CTNNA3: variants seen among roughly 807,000 people sequenced by gnomAD.
CTNNA3 encodes catenin alpha 3, also known as catenin alpha-3.
A neutral mutation model predicts 95.7 loss-of-function variants in CTNNA3; 76 were observed. The observed-to-expected ratio is 0.79, with a 90% confidence interval of 0.66 to 0.96. The LOEUF (loss-of-function observed/expected upper bound fraction) is 0.96. CTNNA3 is among the 40% of genes least tolerant of loss of function. CTNNA3 has a pLI of 0.00. For missense variants in CTNNA3, 1,191 were observed against 1,089.8 expected (o/e 1.09, Z -1.31); for synonymous variants, 431 against 374.4 (o/e 1.15, Z -1.74).
At chr10:67,235,097 T>C (rs1313009141) in intron 5 of CTNNA3, among the ~76,000 whole-genome samples, 1 of 151,722 alleles carries the variant, frequency 6.6e-6, no homozygotes, top group Non-Finnish European at 1.5e-5. Context: ...CCCAAGGTAA[T>C]TTACAGATTC....
chr10:66,724,874 T>C (rs1216980877), intron 9 of CTNNA3, among the ~76,000 whole-genome samples: 1 of 152,152 alleles, frequency 6.6e-6, no homozygotes, highest in Non-Finnish European at 1.5e-5. Flanking sequence ...CTGAGCACTG[T>C]TCTCAGTATT....
At chr10:67,558,886 T>C (rs1306394577) in intron 3 of CTNNA3, among the ~76,000 whole-genome samples, 7 of 152,192 alleles carry the variant, frequency 4.6e-5, no homozygotes, top group African/African-American at 1.7e-4. Context: ...CGCTGATTGC[T>C]AGCACATCAG....
chr10:66,038,270 G>A (rs933668407), intron 15 of CTNNA3, among the ~76,000 whole-genome samples: 1 of 152,210 alleles, frequency 6.6e-6, no homozygotes, highest in Admixed American at 6.5e-5. Flanking sequence ...TGTTCCTTCT[G>A]ATGGTGATGG....
intron 5 of CTNNA3, among the ~76,000 whole-genome samples, chr10:67,391,566 T>C (rs1229252399): frequency 5.9e-5 from 9 of 151,648 alleles, no homozygotes. Flanking sequence ...TTAAAGTTCA[T>C]ATGGAACCAA....
chr10:66,859,693 G>T, intron 7 of CTNNA3, among the ~76,000 whole-genome samples: 1 of 140,594 alleles, frequency 7.1e-6, no homozygotes, highest in Non-Finnish European at 1.6e-5. Flanking sequence ...TATAAATCAT[G>T]CTGCTATAAA....
chr10:66,196,136 T>C (rs1318431710), intron 13 of CTNNA3, among the ~76,000 whole-genome samples: 1 of 152,156 alleles, frequency 6.6e-6, no homozygotes, highest in Non-Finnish European at 1.5e-5. Flanking sequence ...ATTGGAAAGA[T>C]ATACAGAGTG....
chr10:67,386,214 T>C (rs1844155260), intron 5 of CTNNA3, among the ~76,000 whole-genome samples: 1 of 152,246 alleles, frequency 6.6e-6, no homozygotes, highest in Non-Finnish European at 1.5e-5. Flanking sequence ...TCTAAAAATA[T>C]GCAATAAGTT....
At chr10:67,431,726 G>T (rs75219307) in intron 5 of CTNNA3, among the ~76,000 whole-genome samples, 2,648 of 151,986 alleles carry the variant, frequency 0.017, 84 homozygotes, top group African/African-American at 0.058. Flanking sequence ...TTGTTTAAGA[G>T]ACACAGGGTT....
At chr10:67,684,878 T>C (rs1380068108) in intron 1 of CTNNA3, among the ~76,000 whole-genome samples, 8 of 152,200 alleles carry the variant, frequency 5.3e-5, no homozygotes, top group African/African-American at 1.9e-4. Flanking sequence ...CTCCAGAGGT[T>C]GGTATAAGAG....
rs146328182 is a variant in CTNNA3, at chr10:67,040,825, A to C, written c.1047+139492T>G. 3.9e-4 allele frequency among the ~76,000 whole-genome samples: 59 copies of C among 152,230 alleles called. No homozygotes were observed. The East Asian group carries it at 8.7e-3, about 22-fold the overall frequency. ...ATTATACCACATGATGTTAAATTAT[A>C]AGCACACATCAGTTCAACCTAGCAA... On this transcript the variant is annotated intron_variant, in intron 7 of 17. Coordinates refer to ENST00000433211, the MANE Select transcript of CTNNA3 (RefSeq NM_013266.4).
intron 12 of CTNNA3, among the ~76,000 whole-genome samples, chr10:66,343,936 T>C (rs1208636273): frequency 6.6e-6 from 1 of 151,876 alleles, no homozygotes; most frequent in Non-Finnish European, 1.5e-5. Context: ...CTCTATAAAA[T>C]TGATTGTAGG....
intron 10 of CTNNA3, among the ~76,000 whole-genome samples, chr10:66,572,660 A>G (rs1206293814): frequency 6.6e-6 from 1 of 152,112 alleles, no homozygotes; most frequent in African/African-American, 2.4e-5. Context: ...AAAGATAAAG[A>G]AAACTTCACA....
chr10:66,670,727 A>C (rs55818842), intron 9 of CTNNA3, among the ~76,000 whole-genome samples: 10,757 of 152,188 alleles, frequency 0.071, 1,289 homozygotes, highest in African/African-American at 0.24. Context: ...AATTCCTTCA[A>C]AACATTACCT....
chr10:66,003,488 G>T, intron 15 of CTNNA3, among the ~76,000 whole-genome samples: 1 of 151,956 alleles, frequency 6.6e-6, no homozygotes, highest in Admixed American at 6.6e-5. Context: ...ACAAATCCTA[G>T]ACAGATTATA....
intron 6 of CTNNA3, among the ~76,000 whole-genome samples, chr10:67,218,237 C>T (rs1192965666): frequency 6.6e-6 from 1 of 152,188 alleles, no homozygotes; most frequent in Admixed American, 6.5e-5. Context: ...CAGATACAGA[C>T]TACAGATGGT....
intron 15 of CTNNA3, among the ~76,000 whole-genome samples, chr10:66,009,590 A>T (rs1410342464): frequency 6.6e-6 from 1 of 152,196 alleles, no homozygotes; most frequent in Admixed American, 6.5e-5. Context: ...CATTTTGAAG[A>T]CTAATATTTA....
At chr10:66,919,089 C>T (rs1175637023) in intron 7 of CTNNA3, among the ~76,000 whole-genome samples, 1 of 142,840 alleles carries the variant, frequency 7.0e-6, no homozygotes, top group Non-Finnish European at 1.5e-5. Context: ...GAGCCGGGAT[C>T]GTGCCACTGA....
At chr10:66,106,078 A>T (rs2081890604) in intron 13 of CTNNA3, among the ~76,000 whole-genome samples, 1 of 151,978 alleles carries the variant, frequency 6.6e-6, no homozygotes. Flanking sequence ...GTGGTGGCAC[A>T]TGCCTGTAAC....
intron 1 of CTNNA3, among the ~76,000 whole-genome samples, chr10:67,721,914 A>C (rs915227691): frequency 6.6e-6 from 1 of 151,704 alleles, no homozygotes; most frequent in African/African-American, 2.4e-5. Context: ...AACAGTCAGG[A>C]CCCTCTGCTG....
Sources: gnomAD v4.1 joint callset for allele counts (sites outside exome capture counted in the v4.1 genomes callset) on GRCh38, gnomAD v4.1.1 for gene constraint, MANE v1.5 for transcripts, NCBI Gene and HGNC (gene_info 2026-07-23, HGNC 2026-07-21) for gene names.